Variants in PHF24 observed in about 807,000 individuals in gnomAD.
PHF24 encodes the protein Galpha inhibitory interacting protein.
PHF24 carries 25 observed loss-of-function variants against 42.6 expected under a neutral mutation model. That is an observed-to-expected ratio of 0.59 (90% CI 0.43 to 0.82). PHF24 has a LOEUF of 0.82. Among genes scored for constraint, PHF24 ranks in the 40% least tolerant of loss-of-function variants. The pLI is 0.00. For synonymous variants in PHF24, 185 were observed against 204.8 expected (o/e 0.90, Z 0.83); for missense variants, 470 against 538.1 (o/e 0.87, Z 1.25).
chr9:34,690,584 C>T, the PHF24 span, among the ~76,000 whole-genome samples: 1 of 152,064 alleles, frequency 6.6e-6, no homozygotes, highest in South Asian at 2.1e-4. Context: ...TTGTAAATAA[C>T]CACTGCCCTG....
At chr9:34,972,438 C>A in exon 3 of PHF24, 1 of 1,614,158 alleles carries the variant, frequency 6.2e-7, no homozygotes, top group South Asian at 1.1e-5. Context: ...TCCATGATGG[C>A]TGCCTGCGCC....
chr9:34,942,889 T>C, the PHF24 span, among the ~76,000 whole-genome samples: 1 of 151,882 alleles, frequency 6.6e-6, no homozygotes, highest in Non-Finnish European at 1.5e-5. Flanking sequence ...TTAGGAGAAA[T>C]ACCTAATGTA....
At chr9:34,683,563 C>T in the PHF24 span, among the ~76,000 whole-genome samples, 4 of 152,216 alleles carry the variant, frequency 2.6e-5, no homozygotes, top group Admixed American at 1.3e-4. Flanking sequence ...CAGCCCCATA[C>T]ATACAAGCTC....
At chr9:34,927,801 T>G in the PHF24 span, among the ~76,000 whole-genome samples, 1 of 152,106 alleles carries the variant, frequency 6.6e-6, no homozygotes, top group Non-Finnish European at 1.5e-5. Context: ...AACCTTAGTT[T>G]GTTTATTCAT....
At chr9:34,831,326 T>C in the PHF24 span, among the ~76,000 whole-genome samples, 1 of 151,992 alleles carries the variant, frequency 6.6e-6, no homozygotes, top group South Asian at 2.1e-4. Flanking sequence ...TTAGTTACTG[T>C]GAAGATAAAT....
At chr9:34,890,024 T>G in the PHF24 span, among the ~76,000 whole-genome samples, 1 of 152,310 alleles carries the variant, frequency 6.6e-6, no homozygotes, top group Admixed American at 6.5e-5. Flanking sequence ...GAGAAGCTGG[T>G]GAAACAGCAA....
chr9:34,777,833 C>T, the PHF24 span, among the ~76,000 whole-genome samples: 1 of 152,160 alleles, frequency 6.6e-6, no homozygotes, highest in Non-Finnish European at 1.5e-5. Context: ...GTCTCAGGGA[C>T]CCAATGTTAG....
the PHF24 span, among the ~76,000 whole-genome samples, chr9:34,753,673 G>A: frequency 6.6e-6 from 1 of 152,118 alleles, no homozygotes; most frequent in African/African-American, 2.4e-5. Context: ...AAAAGGAACA[G>A]AATAGCCAAA....
At chr9:34,882,207 G>T in the PHF24 span, among the ~76,000 whole-genome samples, 4 of 152,054 alleles carry the variant, frequency 2.6e-5, no homozygotes, top group East Asian at 1.9e-4. Context: ...TTGATGGGAC[G>T]TATCTCAAAA....
At chr9:34,872,173 A>C in the PHF24 span, among the ~76,000 whole-genome samples, 2 of 150,610 alleles carry the variant, frequency 1.3e-5, no homozygotes, top group Non-Finnish European at 3.0e-5. Context: ...TGTAAACAGC[A>C]ATTTATTTTT....
the PHF24 span, among the ~76,000 whole-genome samples, chr9:34,910,390 C>T: frequency 6.6e-6 from 1 of 152,084 alleles, no homozygotes; most frequent in East Asian, 1.9e-4. Context: ...AATAACTAGT[C>T]CAGATAAGCA....
rs1460411787 is a variant in PHF24 at position 34,977,420 on chromosome 9, A to G, written c.1011-126A>G. On this transcript the variant is annotated intron_variant, in intron 6 of 7. Transcript: ENST00000242315. ...GGGCATAGGACAGCCTCTGCCTTCA[A>G]CTCGGTGTTGCCACATGTCAGAAGA... 4.1e-6 allele frequency: 5 copies of G among 1,218,082 alleles called. No individual in the cohort carries two copies. In the African/African-American group the frequency reaches 6.0e-5, roughly 15 times the overall value. The allele number at this position is 1,218,082 out of a possible 1,614,324, so 75.5% of individuals were successfully genotyped here.
At chr9:34,680,482 A>G in the PHF24 span, among the ~76,000 whole-genome samples, 1 of 151,624 alleles carries the variant, frequency 6.6e-6, no homozygotes, top group East Asian at 1.9e-4. Context: ...AGGTCAGGAG[A>G]TCGAGACCAT....
chr9:34,818,802 A>G, the PHF24 span, among the ~76,000 whole-genome samples: 1 of 152,166 alleles, frequency 6.6e-6, no homozygotes, highest in African/African-American at 2.4e-5. Context: ...TTTTTAAAAA[A>G]TAGTGCTCAC....
chr9:34,743,369 A>T, the PHF24 span, among the ~76,000 whole-genome samples: 1 of 152,258 alleles, frequency 6.6e-6, no homozygotes, highest in South Asian at 2.1e-4. Context: ...CTTGAAGCAC[A>T]GAAAGGGTTA....
At chr9:34,857,456 C>T in the PHF24 span, among the ~76,000 whole-genome samples, 1 of 152,298 alleles carries the variant, frequency 6.6e-6, no homozygotes, top group East Asian at 1.9e-4. Context: ...AAGGGGATCT[C>T]CTGGTTCCTG....
chr9:34,833,553 T>C, the PHF24 span: 1 of 1,551,602 alleles, frequency 6.4e-7, no homozygotes, highest in South Asian at 1.2e-5. Flanking sequence ...GCTGCAGCAG[T>C]TTGTTCCCTG....
At chr9:34,905,422 AAAGTATGTAG>A in the PHF24 span, among the ~76,000 whole-genome samples, 1 of 152,262 alleles carries the variant, frequency 6.6e-6, no homozygotes, top group Non-Finnish European at 1.5e-5. Flanking sequence ...AGGGGATATA[AAAGTATGTAG>A]AAGTGAATTC....
chr9:34,692,683 A>G, the PHF24 span, among the ~76,000 whole-genome samples: 1 of 152,066 alleles, frequency 6.6e-6, no homozygotes, highest in Admixed American at 6.6e-5. Flanking sequence ...TGGGAATGGT[A>G]GAAGATCTAC....
Sources: allele counts gnomAD v4.1 joint callset (sites outside exome capture counted in the v4.1 genomes callset), GRCh38; gene constraint gnomAD v4.1.1; transcripts MANE v1.5; gene names NCBI Gene and HGNC (gene_info 2026-07-23, HGNC 2026-07-21).